TTC3: variants seen among roughly 807,000 people sequenced by gnomAD.
The protein encoded by TTC3 is tetratricopeptide repeat domain 3.
TTC3 carries 180 observed loss-of-function variants against 249.6 expected under a neutral mutation model. The ratio of observed to expected loss-of-function variants is 0.72; its 90% CI spans 0.64 to 0.82. TTC3 has a LOEUF of 0.82. Ranked by LOEUF, TTC3 falls within the 40% of genes least tolerant of loss-of-function variation. The probability of loss-of-function intolerance (pLI) is 0.00; values close to 1 mark genes in which losing one functional copy is unlikely to be tolerated. For missense variants in TTC3, 2,061 were observed against 2,398.4 expected, an observed-to-expected ratio of 0.86 and a Z score of 2.94; for synonymous variants, 717 against 805.0, an observed-to-expected ratio of 0.89 and a Z score of 1.85.
Position 37,182,786 on chromosome 21 carries a change from G to T in TTC3, c.4630G>T (p.Glu1544Ter). The T allele has an allele frequency of 1.3e-6, 2 of 1,589,306 alleles. No individual in the cohort carries two copies. Among genetic ancestry groups the T allele is most frequent in the South Asian group, 1.2e-5 (1 of 85,838 alleles). The stretch of plus-strand genomic sequence containing the variant: ...TAAATGTTTTTAGATCTCAAAGACG[G>T]AATTAGATTGGTTCCTTCAAGATTT... The change falls in exon 36 of 46, where the codon GAA becomes TAA. Residue 1544 changes from glutamate to a stop codon, truncating the protein, a stop_gained. Transcript: ENST00000355666. LOFTEE classifies it high-confidence loss of function.
At chr21:37,096,227 C>T (rs1331177097) in intron 9 of TTC3, among the ~76,000 whole-genome samples, 1 of 152,228 alleles carries the variant, frequency 6.6e-6, no homozygotes, top group Non-Finnish European at 1.5e-5. Flanking sequence ...TTTGTCAAAA[C>T]GACATAGTCC....
At chr21:37,091,201 C>G in intron 6 of TTC3, 92 bp from the exon 7 acceptor site, 2 of 1,386,224 alleles carry the variant, frequency 1.4e-6, no homozygotes, top group Non-Finnish European at 2.0e-6. Context: ...TAGTAAGGAT[C>G]TGAAATACTT....
chr21:37,191,372 G>A lies in TTC3; in HGVS notation c.5063G>A (p.Arg1688His), dbSNP rs766786828. ...TATCCTGACATGGAGTCTGATATACGTTCATGGGAATTGTTTCTTTCTAAT... is the reference window on the plus strand; with the variant it reads ...TATCCTGACATGGAGTCTGATATACATTCATGGGAATTGTTTCTTTCTAAT... Residue 1688 changes from arginine to histidine, a missense_variant, in exon 40 of 46, where the codon CGT (arginine) becomes CAT (histidine). Transcript: ENST00000355666. 1.5e-5 allele frequency: 24 copies of A among 1,589,866 alleles called. No individual in the cohort carries two copies. In the Admixed American group the frequency reaches 2.5e-4, roughly 17 times the overall value.
intron 11 of TTC3, among the ~76,000 whole-genome samples, chr21:37,114,950 C>T (rs2075999812): frequency 1.3e-5 from 2 of 151,912 alleles, no homozygotes; most frequent in Admixed American, 1.3e-4. Flanking sequence ...CCAAACACCG[C>T]ATGTTCTCAC....
intron 13 of TTC3, 110 bp downstream of exon 13, chr21:37,123,138 G>T: frequency 9.0e-7 from 1 of 1,114,244 alleles, no homozygotes; most frequent in Non-Finnish European, 1.3e-6. Context: ...CCACAGTAAA[G>T]TTGGAGATGG....
intron 27 of TTC3, among the ~76,000 whole-genome samples, chr21:37,154,736 C>G (rs775087169): frequency 6.6e-6 from 1 of 152,118 alleles, no homozygotes; most frequent in African/African-American, 2.4e-5. Context: ...CGCTCTGTTG[C>G]CCAGGCTGGA....
chr21:37,116,500 T>A (rs1039944628), intron 11 of TTC3, among the ~76,000 whole-genome samples: 1 of 152,120 alleles, frequency 6.6e-6, no homozygotes, highest in African/African-American at 2.4e-5. Context: ...ATTATAAAAA[T>A]ATTTTTTTTT....
chr21:37,177,829 A>G (rs1381721880), intron 35 of TTC3, among the ~76,000 whole-genome samples: 1 of 152,240 alleles, frequency 6.6e-6, no homozygotes, highest in African/African-American at 2.4e-5. Context: ...TTGAGATATA[A>G]TTAACCATAG....
chr21:37,172,603 T>C lies in TTC3; in HGVS notation c.4476T>C (p.Ile1492=), dbSNP rs535336899. 7.5e-5 allele frequency: 120 copies of C among 1,608,832 alleles called. No individual in the cohort carries two copies. The South Asian group carries it at 1.2e-3, about 16-fold the overall frequency. The change falls in exon 35 of 46, where the codon ATT becomes ATC. Residue 1492 remains isoleucine, a synonymous_variant. Coordinates refer to ENST00000355666, the Ensembl canonical transcript of TTC3. ...TTGTAATTCACTTTTAGGGGGAAATTTCACGGATTGAAAAGGAGCACCAAG... is the reference window on the plus strand; with the variant it reads ...TTGTAATTCACTTTTAGGGGGAAATCTCACGGATTGAAAAGGAGCACCAAG...
chr21:37,118,061 A>C (rs1055346572), intron 11 of TTC3, among the ~76,000 whole-genome samples: 2 of 152,064 alleles, frequency 1.3e-5, no homozygotes, highest in African/African-American at 4.8e-5. Flanking sequence ...TATAGATAAA[A>C]ACATATAACC....
At position 37,200,292 on chromosome 21, in the gene TTC3, G is replaced by T. The variant is rs555209200; in HGVS notation, c.5911G>T (p.Val1971Leu). The stretch of plus-strand genomic sequence containing the variant: ...GGTGTTCAAATCAAAAAACGTGCGT[G>T]TGCTCAAATGTGGGCACAAGTATCA... The change falls in exon 45 of 46, where the codon GTG becomes TTG. Residue 1971 changes from valine to leucine, a missense_variant. Coordinates refer to ENST00000355666, the Ensembl canonical transcript of TTC3. 6 of 1,614,204 alleles carry T rather than the reference G, an allele frequency of 3.7e-6. No homozygotes were observed. In the African/African-American group the frequency reaches 8.0e-5, roughly 22 times the overall value.
At chr21:37,108,132 A>C (rs985783880) in intron 10 of TTC3, 4 of 335,970 alleles carry the variant, frequency 1.2e-5, no homozygotes, top group African/African-American at 8.6e-5. Flanking sequence ...CGAAATGTGC[A>C]AGAAATACTT....
intron 10 of TTC3, among the ~76,000 whole-genome samples, chr21:37,097,541 A>G (rs943531778): frequency 6.6e-6 from 1 of 152,214 alleles, no homozygotes; most frequent in African/African-American, 2.4e-5. Flanking sequence ...TCAGCTACCC[A>G]AAATGAAATG....
chr21:37,161,477 A>G (rs143264209), intron 30 of TTC3, among the ~76,000 whole-genome samples: 2 of 152,120 alleles, frequency 1.3e-5, no homozygotes, highest in Non-Finnish European at 2.9e-5. Context: ...GGGTTTTGCT[A>G]TATTGCCCAG....
chr21:37,119,241 G>A (rs1252305707), intron 11 of TTC3, among the ~76,000 whole-genome samples: 1 of 151,984 alleles, frequency 6.6e-6, no homozygotes, highest in Non-Finnish European at 1.5e-5. Flanking sequence ...GACTATAGTG[G>A]CATTTAATCT....
intron 35 of TTC3, among the ~76,000 whole-genome samples, chr21:37,174,012 GCTGC>G (rs1440777790): frequency 6.6e-6 from 1 of 152,222 alleles, no homozygotes; most frequent in African/African-American, 2.4e-5. Context: ...AATTCCTGTA[GCTGC>G]CTGTTTGAGT....
chr21:37,189,272 GT>G (rs2083693892), intron 39 of TTC3, among the ~76,000 whole-genome samples: 1 of 152,066 alleles, frequency 6.6e-6, no homozygotes, highest in Non-Finnish European at 1.5e-5. Flanking sequence ...TTGCGACAGA[GT>G]CTCGCTCTGC....
rs73204032 is a variant in TTC3, at chr21:37,152,358, G to A, written c.2413+329G>A. 6.9e-3 allele frequency among the ~76,000 whole-genome samples: 1,030 copies of A among 150,202 alleles called. 9 individuals carry two copies. Among genetic ancestry groups the A allele is most frequent in the Non-Finnish European group, 0.012 (781 of 67,738 alleles). ...GTTAGGATTGTTGAAGGAAGTGGCC[G>A]TATTTTAGGGGAACTAAGTTGTTTT... On this transcript the variant is annotated intron_variant, in intron 26 of 45. Coordinates refer to ENST00000355666, the Ensembl canonical transcript of TTC3.
At chr21:37,114,916 G>A (rs1205524102) in intron 11 of TTC3, among the ~76,000 whole-genome samples, 1 of 151,998 alleles carries the variant, frequency 6.6e-6, no homozygotes. Flanking sequence ...ATCATTCTCA[G>A]CAAACTGTTG....
Sources: allele counts gnomAD v4.1 joint callset (sites outside exome capture counted in the v4.1 genomes callset), GRCh38; gene constraint gnomAD v4.1.1; transcripts MANE v1.5; gene names NCBI Gene and HGNC (gene_info 2026-07-23, HGNC 2026-07-21).